The following CSMD1 variants were observed in gnomAD, a reference collection of about 807,000 sequenced individuals.
CSMD1 encodes CUB and sushi domain-containing protein 1.
CSMD1 carries 213 observed loss-of-function variants against 417.5 expected under a neutral mutation model. The observed-to-expected ratio is 0.51, with a 90% CI of 0.46 to 0.57. The LOEUF (loss-of-function observed/expected upper bound fraction) is 0.57, where lower values mean the gene tolerates loss of function less well. Ranked by LOEUF, CSMD1 falls within the 20% of genes least tolerant of loss-of-function variation. The probability of loss-of-function intolerance (pLI) is 0.00; values close to 1 mark genes in which losing one functional copy is unlikely to be tolerated. For missense variants in CSMD1, 6,923 were observed against 4,529.7 expected, an observed-to-expected ratio of 1.53 and a Z score of -15.17; for synonymous variants, 2,862 against 1,736.8, an observed-to-expected ratio of 1.65 and a Z score of -16.11.
At chr8:4,165,613 G>C (rs527642103) in intron 3 of CSMD1, among the ~76,000 whole-genome samples, 1 of 152,154 alleles carries the variant, frequency 6.6e-6, no homozygotes, top group African/African-American at 2.4e-5. Flanking sequence ...ATGTTGCCCA[G>C]GCTTGGCTTG....
intron 6 of CSMD1, among the ~76,000 whole-genome samples, chr8:3,741,241 A>AAAC (rs1554527932): frequency 1.4e-4 from 19 of 134,588 alleles, no homozygotes; most frequent in African/African-American, 4.9e-4. Flanking sequence ...AAAAAAAAAA[A>AAAC]CATACAGAAG....
Position 4,132,410 on chromosome 8 carries a change from A to T in CSMD1, c.416-100311T>A, listed in dbSNP as rs182052686. ...TTCTCTAGTATGGTGTCTGAAAATGATGTTTACCCATAGAAACTATTTTTA... is the reference window on the plus strand; with the variant it reads ...TTCTCTAGTATGGTGTCTGAAAATGTTGTTTACCCATAGAAACTATTTTTA... On this transcript the variant is annotated intron_variant, in intron 3 of 69. Coordinates refer to ENST00000635120, the MANE Select transcript of CSMD1 (RefSeq NM_033225.6). Among the ~76,000 whole-genome samples, 223 of 152,248 alleles carry T rather than the reference A, an allele frequency of 1.5e-3. 3 individuals are homozygous for T. Among genetic ancestry groups the T allele is most frequent in the African/African-American group, 5.2e-3 (216 of 41,536 alleles).
intron 3 of CSMD1, among the ~76,000 whole-genome samples, chr8:4,359,108 T>C (rs899509545): frequency 1.3e-4 from 20 of 152,140 alleles, no homozygotes; most frequent in African/African-American, 4.1e-4. Flanking sequence ...AATGCAGGAA[T>C]ACTAGGGTAG....
At chr8:4,221,648 C>T (rs887088029) in intron 3 of CSMD1, among the ~76,000 whole-genome samples, 1 of 152,134 alleles carries the variant, frequency 6.6e-6, no homozygotes, top group African/African-American at 2.4e-5. Context: ...CCCCTGACAC[C>T]ATCCCCTACT....
At chr8:3,789,767 G>T (rs1296677584) in intron 5 of CSMD1, among the ~76,000 whole-genome samples, 1 of 116,638 alleles carries the variant, frequency 8.6e-6, no homozygotes, top group Non-Finnish European at 1.7e-5. Flanking sequence ...GTTTCACTCT[G>T]TCTCCGAGGC....
At chr8:4,228,218 C>G (rs916699571) in intron 3 of CSMD1, among the ~76,000 whole-genome samples, 1 of 152,186 alleles carries the variant, frequency 6.6e-6, no homozygotes, top group Admixed American at 6.5e-5. Flanking sequence ...GCTGCTGTAT[C>G]ATTCCCTTCA....
chr8:3,281,574 C>A (rs1802741328), intron 26 of CSMD1, among the ~76,000 whole-genome samples: 1 of 152,090 alleles, frequency 6.6e-6, no homozygotes, highest in Non-Finnish European at 1.5e-5. Flanking sequence ...TGAAAGAAGA[C>A]AACATGAAAG....
chr8:4,001,130 T>C (rs1218235528), intron 4 of CSMD1, among the ~76,000 whole-genome samples: 2 of 152,140 alleles, frequency 1.3e-5, no homozygotes, highest in Non-Finnish European at 2.9e-5. Flanking sequence ...CTTTCTATTA[T>C]TTAAAAAGCT....
intron 4 of CSMD1, 130 bp downstream of exon 4, chr8:4,031,775 A>G (rs1797359083): frequency 3.3e-6 from 2 of 611,032 alleles, no homozygotes; most frequent in East Asian, 2.9e-5. Context: ...TCAGGAGCAG[A>G]ATGAGCTGAC....
chr8:3,993,154 T>C (rs1398193346), intron 5 of CSMD1, among the ~76,000 whole-genome samples: 4 of 152,210 alleles, frequency 2.6e-5, no homozygotes, highest in Non-Finnish European at 5.9e-5. Context: ...ACTATGGTTA[T>C]GTAAGATGTT....
At chr8:2,978,944 T>C (rs1805170719) in intron 54 of CSMD1, 144 bp from the exon 55 acceptor site, 7 of 702,948 alleles carry the variant, frequency 1.0e-5, no homozygotes, top group East Asian at 2.9e-5. Flanking sequence ...AATTCCACTC[T>C]CACGATGAAT....
chr8:4,783,492 T>C (rs918395954), intron 1 of CSMD1, among the ~76,000 whole-genome samples: 1 of 152,216 alleles, frequency 6.6e-6, no homozygotes, highest in African/African-American at 2.4e-5. Context: ...ACCGGAAGTA[T>C]TGTCATTAAA....
chr8:3,363,959 T>C (rs757857991), intron 20 of CSMD1, among the ~76,000 whole-genome samples: 5 of 152,106 alleles, frequency 3.3e-5, no homozygotes, highest in Admixed American at 2.6e-4. Flanking sequence ...ACCGTTAACA[T>C]CTGCAGAAAT....
At chr8:4,643,049 G>C (rs1054691354) in intron 1 of CSMD1, among the ~76,000 whole-genome samples, 5 of 152,190 alleles carry the variant, frequency 3.3e-5, no homozygotes, top group African/African-American at 1.2e-4. Flanking sequence ...TCTGGGGCCT[G>C]ATATCATTTG....
At chr8:3,757,710 A>C (rs1797737063) in intron 5 of CSMD1, among the ~76,000 whole-genome samples, 1 of 152,058 alleles carries the variant, frequency 6.6e-6, no homozygotes, top group South Asian at 2.1e-4. Context: ...TTAGCTGGGC[A>C]TGGTGGCAGG....
Position 3,932,557 on chromosome 8 carries a change from G to C in CSMD1, c.818+65346C>G, listed in dbSNP as rs373782405. ...TCAAGCCCCACAATTAAAGTTCAAT[G>C]CATTGCAGTCTAATTAGTACTGTGG... On this transcript the variant is annotated intron_variant, in intron 5 of 69. Coordinates refer to ENST00000635120, the MANE Select transcript of CSMD1 (RefSeq NM_033225.6). Among the ~76,000 whole-genome samples the C allele has an allele frequency of 3.3e-5, 5 of 150,692 alleles. No homozygotes were observed. The East Asian group carries it at 9.7e-4, about 29-fold the overall frequency.
At chr8:4,938,249 C>T (rs1807754588) in intron 1 of CSMD1, among the ~76,000 whole-genome samples, 1 of 152,096 alleles carries the variant, frequency 6.6e-6, no homozygotes, top group Non-Finnish European at 1.5e-5. Flanking sequence ...AAATGGATTT[C>T]AATAATTTCC....
At position 4,611,670 on chromosome 8, in the gene CSMD1, C is replaced by A. The variant is rs186290464; in HGVS notation, c.302+25672G>T. On this transcript the variant is annotated intron_variant, in intron 2 of 69. Transcript: ENST00000635120. The stretch of plus-strand genomic sequence containing the variant: ...TAAGAGAAAAAGTGTGTCTTGTGTT[C>A]ATTTACTGTGTGTTTTCATCATGAC... 2.0e-5 allele frequency among the ~76,000 whole-genome samples: 3 copies of A among 152,218 alleles called. No homozygotes were observed. The East Asian group carries it at 5.8e-4, about 29-fold the overall frequency.
At chr8:3,785,610 G>C (rs1392292377) in intron 5 of CSMD1, among the ~76,000 whole-genome samples, 1 of 152,234 alleles carries the variant, frequency 6.6e-6, no homozygotes, top group African/African-American at 2.4e-5. Context: ...TCATTTATAA[G>C]ATGTTAGAAG....
Sources: gnomAD v4.1 joint callset for allele counts (sites outside exome capture counted in the v4.1 genomes callset) on GRCh38, gnomAD v4.1.1 for gene constraint, MANE v1.5 for transcripts, NCBI Gene and HGNC (gene_info 2026-07-23, HGNC 2026-07-21) for gene names.